The following GDPD5 variants were observed in gnomAD, a reference collection of about 807,000 sequenced individuals.
GDPD5 encodes the protein glycerophosphodiester phosphodiesterase domain containing 5, also known as glycerophosphodiester phosphodiesterase 2.
Under a neutral mutation model 75.1 loss-of-function variants are expected in GDPD5, and 48 were observed. That is an observed-to-expected ratio of 0.64 (90% confidence interval 0.51 to 0.81). GDPD5 has a LOEUF of 0.81. Ranked by LOEUF, GDPD5 falls within the 40% of genes least tolerant of loss-of-function variation. The pLI, the probability that GDPD5 is intolerant of heterozygous loss-of-function variation, is 0.00. For synonymous variants in GDPD5, 336 were observed against 339.0 expected, an observed-to-expected ratio of 0.99 and a Z score of 0.10; for missense variants, 706 against 822.6, an observed-to-expected ratio of 0.86 and a Z score of 1.73.
In GDPD5 at chr11:75,441,638, G is replaced by GCAGGC; in HGVS notation, c.1325+3_1325+7dup. 1 of 1,560,856 alleles carries GCAGGC rather than the reference G, an allele frequency of 6.4e-7. No homozygotes were observed. Among genetic ancestry groups the GCAGGC allele is most frequent in the South Asian group, 1.2e-5 (1 of 86,680 alleles). ...CTCTCCTGGAGGAGCCCAGGGCAGG[G>GCAGGC]CAGGCACCTGAGCTCCTGGCGGGAC... On this transcript the variant is annotated splice_region_variant and intron_variant, in intron 13 of 16. Transcript: ENST00000336898.
At chr11:75,449,855 TG>T in intron 7 of GDPD5, 29 bp downstream of exon 7, 1 of 1,584,240 alleles carries the variant, frequency 6.3e-7, no homozygotes, top group Non-Finnish European at 8.7e-7. Flanking sequence ...GCTCTTGTTG[TG>T]AGGGTCCTGG....
intron 12 of GDPD5, 117 bp from the exon 13 acceptor site, chr11:75,441,920 T>C (rs894304634): frequency 1.9e-6 from 2 of 1,049,086 alleles, no homozygotes; most frequent in Non-Finnish European, 2.7e-6. Context: ...GGTGAAAGCT[T>C]AGATGAAGTC....
At position 75,437,019 on chromosome 11, in the gene GDPD5, T is replaced by C; in HGVS notation, c.1586A>G (p.Asn529Ser). Reference sequence around the variant, plus strand: ...AGCACTCAGCATGATCTGCTCAGGGTTGTAGCTCCGTATGCCACCCAGGCG... The same window carrying C: ...AGCACTCAGCATGATCTGCTCAGGGCTGTAGCTCCGTATGCCACCCAGGCG... ...KWRLGGIRSYNPEQIMLSAAV... is the reference protein window; with the variant it reads ...KWRLGGIRSYSPEQIMLSAAV... Residue 529 changes from asparagine to serine, a missense_variant, in exon 16 of 17, where the codon AAC becomes AGC. Asn to Ser is a conservative substitution (Grantham distance 46, BLOSUM62 1). Coordinates refer to ENST00000336898, the MANE Select transcript of GDPD5 (RefSeq NM_030792.8). 6.2e-7 allele frequency: 1 copy of C among 1,613,328 alleles called. No individual in the cohort carries two copies. Among genetic ancestry groups the C allele is most frequent in the South Asian group, 1.1e-5 (1 of 91,066 alleles).
At chr11:75,506,616 G>A (rs903159196) in intron 1 of GDPD5, 1 of 152,568 alleles carries the variant, frequency 6.6e-6, no homozygotes, top group African/African-American at 2.4e-5. Flanking sequence ...GGTAGGGTGG[G>A]GGCAGCCCTG....
chr11:75,517,763 T>A lies in GDPD5; in HGVS notation c.-145+7447A>T, dbSNP rs560080993. On this transcript the variant is annotated intron_variant, in intron 1 of 16. Coordinates refer to ENST00000336898, the MANE Select transcript of GDPD5 (RefSeq NM_030792.8). ...AGTGGGGTCAATTATCGGTGAGGAT[T>A]TGCACAGAGGCCTCCAATGTTCCCT... 2.0e-5 allele frequency among the ~76,000 whole-genome samples: 3 copies of A among 152,132 alleles called. No individual in the cohort carries two copies. In the South Asian group the frequency reaches 6.2e-4, roughly 32 times the overall value.
At position 75,435,591 on chromosome 11, in the gene GDPD5, T is replaced by C. The variant is rs778938510; in HGVS notation, c.1734A>G (p.Thr578=). 3.1e-6 allele frequency: 5 copies of C among 1,613,738 alleles called. No individual in the cohort carries two copies. The highest frequency in any genetic ancestry group is 1.7e-5 in the Admixed American group (1 of 60,020). Residue 578 remains threonine (T), a synonymous_variant, in exon 17 of 17, where the codon ACA becomes ACG. Transcript: ENST00000336898. ...LSVCSDNSYD[T]YANSTATPVG... Reference sequence around the variant, plus strand: ...CAGGGGTGGCGGTGCTGTTGGCATATGTGTCATAACTGTTGTCTGAACATA... The same window carrying C: ...CAGGGGTGGCGGTGCTGTTGGCATACGTGTCATAACTGTTGTCTGAACATA...
Position 75,435,452 on chromosome 11 carries a change from C to T in GDPD5, c.*55G>A, listed in dbSNP as rs1948599917. The T allele has an allele frequency of 6.7e-7, 1 of 1,494,784 alleles. No homozygotes were observed. The highest frequency in any genetic ancestry group is 2.0e-5 in the Admixed American group (1 of 49,714). The allele number at this position is 1,494,784 out of a possible 1,614,324, so 92.6% of individuals were successfully genotyped here. On this transcript the variant is annotated 3_prime_UTR_variant, in exon 17 of 17. Transcript: ENST00000336898. Reference sequence around the variant, plus strand: ...GAGTTCAGACACACTTCCACCAGCTCTCCTAGGCTCCCCAGCTTCTGTGTC... The same window carrying T: ...GAGTTCAGACACACTTCCACCAGCTTTCCTAGGCTCCCCAGCTTCTGTGTC...
intron 3 of GDPD5, among the ~76,000 whole-genome samples, chr11:75,469,335 T>C (rs1565199282): frequency 6.6e-6 from 1 of 152,138 alleles, no homozygotes; most frequent in Non-Finnish European, 1.5e-5. Context: ...GGGATGGTAA[T>C]CCTAAGAGCC....
intron 1 of GDPD5, among the ~76,000 whole-genome samples, chr11:75,512,765 AT>A (rs1331537196): frequency 6.6e-6 from 1 of 151,578 alleles, no homozygotes; most frequent in African/African-American, 2.4e-5. Context: ...AAAATACAAA[AT>A]TAGCTGGGCG....
intron 1 of GDPD5, among the ~76,000 whole-genome samples, chr11:75,492,059 A>G (rs1950118832): frequency 6.6e-6 from 1 of 152,202 alleles, no homozygotes; most frequent in African/African-American, 2.4e-5. Context: ...GAAGGAAAGT[A>G]CCGCAGAGTC....
intron 4 of GDPD5, among the ~76,000 whole-genome samples, chr11:75,461,500 G>A (rs910435862): frequency 5.3e-5 from 8 of 152,190 alleles, no homozygotes; most frequent in Admixed American, 2.6e-4. Context: ...CATGAGCAGA[G>A]TCCCAGGATC....
intron 10 of GDPD5, among the ~76,000 whole-genome samples, chr11:75,444,200 G>A (rs1421195961): frequency 6.6e-6 from 1 of 152,186 alleles, no homozygotes; most frequent in Non-Finnish European, 1.5e-5. Flanking sequence ...CTCTGTGGCA[G>A]TGCTCCTGCT....
intron 1 of GDPD5, among the ~76,000 whole-genome samples, chr11:75,495,265 TCA>T (rs34243107): frequency 2.7e-4 from 40 of 147,070 alleles, no homozygotes; most frequent in Admixed American, 9.5e-4. Flanking sequence ...TGTCACTCTG[TCA>T]CACACACACA....
At chr11:75,497,102 G>T (rs943005273) in intron 1 of GDPD5, among the ~76,000 whole-genome samples, 2 of 152,140 alleles carry the variant, frequency 1.3e-5, no homozygotes. Context: ...ATTTTTTATA[G>T]ATGGTAAACA....
intron 4 of GDPD5, 62 bp downstream of exon 4, chr11:75,462,724 G>C: frequency 7.8e-7 from 1 of 1,289,422 alleles, no homozygotes; most frequent in Non-Finnish European, 1.1e-6. Context: ...CAGCCCCCAG[G>C]TCCCAGCTAC....
At chr11:75,514,975 TAA>T (rs781689845) in intron 1 of GDPD5, among the ~76,000 whole-genome samples, 2 of 152,226 alleles carry the variant, frequency 1.3e-5, no homozygotes, top group Non-Finnish European at 2.9e-5. Flanking sequence ...TCAGAGAGGC[TAA>T]GTGACTTGCC....
intron 1 of GDPD5, among the ~76,000 whole-genome samples, chr11:75,515,287 G>A (rs1283800089): frequency 1.3e-5 from 2 of 152,224 alleles, no homozygotes; most frequent in African/African-American, 4.8e-5. Flanking sequence ...CCTCCCACAT[G>A]GTTTCCATGC....
chr11:75,494,804 T>A (rs1424496840), intron 1 of GDPD5, among the ~76,000 whole-genome samples: 1 of 151,594 alleles, frequency 6.6e-6, no homozygotes, highest in Non-Finnish European at 1.5e-5. Context: ...ATAAAAAAAA[T>A]AGCTGGGCGT....
At position 75,434,821 on chromosome 11, in the gene GDPD5, C is replaced by T. The variant is rs1056192974; in HGVS notation, c.*686G>A. On this transcript the variant is annotated 3_prime_UTR_variant, in exon 17 of 17. Transcript: ENST00000336898. The stretch of plus-strand genomic sequence containing the variant: ...CTGTGGACTCCTGGGTTAGGTGACC[C>T]TTCTGCCTTGAGGTCTGCTGGACAC... The T allele has an allele frequency of 6.6e-6, 1 of 152,398 alleles. No individual in the cohort carries two copies. The highest frequency in any genetic ancestry group is 2.4e-5 in the African/African-American group (1 of 41,456). The allele number at this position is 152,398 out of a possible 1,614,324, so 9.4% of individuals were successfully genotyped here.
Sources: allele counts gnomAD v4.1 joint callset (sites outside exome capture counted in the v4.1 genomes callset), GRCh38; gene constraint gnomAD v4.1.1; transcripts MANE v1.5; gene names NCBI Gene and HGNC (gene_info 2026-07-23, HGNC 2026-07-21).